The following KLHDC4 variants were observed in gnomAD, a reference collection of about 807,000 sequenced individuals.
The protein encoded by KLHDC4 is kelch domain containing 4, also known as kelch domain-containing protein 4.
KLHDC4 carries 90 observed loss-of-function variants against 62.4 expected under a neutral mutation model. That is an observed-to-expected ratio of 1.44 (90% CI 1.22 to 1.72). The LOEUF (loss-of-function observed/expected upper bound fraction) is 1.72, where lower values mean the gene tolerates loss of function less well. Among genes scored for constraint, KLHDC4 ranks in the 40% most tolerant of loss-of-function variants. The pLI is 0.00. For missense variants in KLHDC4, 1,025 were observed against 699.7 expected, an observed-to-expected ratio of 1.47 and a Z score of -5.25; for synonymous variants, 386 against 284.4, an observed-to-expected ratio of 1.36 and a Z score of -3.59.
intron 9 of KLHDC4, chr16:87,710,956 AC>A (rs928518321): frequency 5.8e-5 from 25 of 428,744 alleles, no homozygotes; most frequent in African/African-American, 4.7e-4. Context: ...AACCCTTCTC[AC>A]ACAGAGGGCC....
rs755388656 is a variant in KLHDC4, at chr16:87,748,719, C to A, written c.460G>T (p.Asp154Tyr). The A allele has an allele frequency of 6.2e-7, 1 of 1,613,666 alleles. No homozygotes were observed. Reference sequence around the variant, plus strand: ...GTGGCCAAATGCAGGACCCAGAGATCCTTGTAGTGGTAGAACTGCTCTCCG... The same window carrying A: ...GTGGCCAAATGCAGGACCCAGAGATACTTGTAGTGGTAGAACTGCTCTCCG... ...PNGEQFYHYK[D>Y]LWVLHLATKT... The change falls in exon 5 of 12, where the codon GAT becomes TAT. Residue 154 changes from aspartate (D) to tyrosine (Y), a missense_variant. By Grantham distance (160) the Asp-to-Tyr change is radical. Coordinates refer to ENST00000270583, the MANE Select transcript of KLHDC4 (RefSeq NM_017566.4).
intron 5 of KLHDC4, chr16:87,730,904 T>G (rs1201661141): frequency 2.9e-6 from 1 of 345,558 alleles, no homozygotes; most frequent in African/African-American, 2.2e-5. Context: ...ATTTCCTAGG[T>G]AGAACATTAT....
At chr16:87,723,668 C>T (rs762822002) in intron 7 of KLHDC4, among the ~76,000 whole-genome samples, 10 of 152,234 alleles carry the variant, frequency 6.6e-5, no homozygotes, top group Admixed American at 1.3e-4. Context: ...CGGGTCATTC[C>T]GATCAACTCG....
At chr16:87,734,655 T>C (rs1163643200) in intron 5 of KLHDC4, among the ~76,000 whole-genome samples, 1 of 152,152 alleles carries the variant, frequency 6.6e-6, no homozygotes, top group Non-Finnish European at 1.5e-5. Flanking sequence ...TAGACACCAA[T>C]TCTATTAATC....
chr16:87,705,673 G>A (rs920838565), downstream of KLHDC4, among the ~76,000 whole-genome samples: 4 of 152,202 alleles, frequency 2.6e-5, no homozygotes, highest in African/African-American at 9.7e-5. Flanking sequence ...CAACTACATT[G>A]AAAGCCAACA....
chr16:87,760,072 T>C (rs566402584), intron 2 of KLHDC4, among the ~76,000 whole-genome samples: 1 of 152,102 alleles, frequency 6.6e-6, no homozygotes, highest in Non-Finnish European at 1.5e-5. Context: ...TTGGAAGATA[T>C]TAAGGTTACC....
At chr16:87,716,871 G>A (rs921923177) in intron 7 of KLHDC4, among the ~76,000 whole-genome samples, 1 of 152,226 alleles carries the variant, frequency 6.6e-6, no homozygotes, top group Non-Finnish European at 1.5e-5. Context: ...GGCGGAGCTT[G>A]CAGTGAGCCG....
intron 5 of KLHDC4, among the ~76,000 whole-genome samples, chr16:87,738,124 T>C (rs1483351716): frequency 1.3e-5 from 2 of 152,092 alleles, no homozygotes; most frequent in Non-Finnish European, 2.9e-5. Flanking sequence ...GCAGGGTGTG[T>C]CCATTCCTAT....
At chr16:87,763,054 C>T (rs1320849518) in intron 1 of KLHDC4, among the ~76,000 whole-genome samples, 2 of 152,160 alleles carry the variant, frequency 1.3e-5, no homozygotes, top group African/African-American at 2.4e-5. Context: ...GGGTGAATGT[C>T]AGCAGGGTAC....
intron 9 of KLHDC4, 26 bp downstream of exon 9, chr16:87,711,209 C>T (rs375756030): frequency 1.2e-5 from 19 of 1,611,856 alleles, no homozygotes; most frequent in South Asian, 7.7e-5. Context: ...CGCACCACGG[C>T]GCATGCTACT....
intron 5 of KLHDC4, among the ~76,000 whole-genome samples, chr16:87,734,170 C>A (rs554770142): frequency 1.3e-5 from 2 of 152,092 alleles, no homozygotes; most frequent in African/African-American, 4.8e-5. Flanking sequence ...CATGGTGAAA[C>A]CCTGTCTATA....
chr16:87,762,145 T>G (rs528805136), intron 1 of KLHDC4, 105 bp from the exon 2 acceptor site: 2 of 1,542,288 alleles, frequency 1.3e-6, no homozygotes, highest in East Asian at 4.6e-5. Flanking sequence ...CTGGGCTCAG[T>G]CACATCTGTG....
intron 7 of KLHDC4, among the ~76,000 whole-genome samples, chr16:87,726,224 G>C (rs74535504): frequency 0.65 from 37,358 of 57,580 alleles, 10,218 homozygotes; most frequent in Admixed American, 0.72. Context: ...GTCTCCCCAC[G>C]CCGCGCCTCG....
chr16:87,753,406 G>A (rs1335380896), intron 4 of KLHDC4, among the ~76,000 whole-genome samples: 1 of 150,660 alleles, frequency 6.6e-6, no homozygotes. Context: ...CACCACTGAG[G>A]GCTAAGCCAG....
At chr16:87,723,157 C>T (rs933424529) in intron 7 of KLHDC4, among the ~76,000 whole-genome samples, 3 of 152,240 alleles carry the variant, frequency 2.0e-5, no homozygotes, top group African/African-American at 4.8e-5. Context: ...TGCACACTGC[C>T]GCTTCAGCCA....
intron 1 of KLHDC4, 49 bp downstream of exon 1, chr16:87,765,743 G>A: frequency 1.3e-6 from 2 of 1,518,236 alleles, no homozygotes; most frequent in East Asian, 2.4e-5. Flanking sequence ...GTCGGCCGAG[G>A]CTGCACGGCC....
In KLHDC4 at chr16:87,699,894, A is replaced by G. The variant is rs558226701; in HGVS notation, c.*1745T>C. 11 of 152,362 alleles carry G rather than the reference A, an allele frequency of 7.2e-5. No individual in the cohort carries two copies. In the East Asian group the frequency reaches 2.1e-3, roughly 29 times the overall value. The allele number at this position is 152,362 out of a possible 1,614,324, so 9.4% of individuals were successfully genotyped here. On this transcript the variant is annotated 3_prime_UTR_variant, in exon 1 of 1. Transcript: ENST00000446344. ...CACGGAGGGCCATCAGTCACCCCCA[A>G]GGCGCTGCAGACCTAAAGTGTGGAG...
At chr16:87,728,918 G>C (rs1328810992) in intron 6 of KLHDC4, among the ~76,000 whole-genome samples, 1 of 152,100 alleles carries the variant, frequency 6.6e-6, no homozygotes, top group Admixed American at 6.5e-5. Flanking sequence ...GGGATTAAAG[G>C]TGTGCACCAC....
At chr16:87,753,379 A>G (rs927458009) in intron 4 of KLHDC4, among the ~76,000 whole-genome samples, 4 of 152,202 alleles carry the variant, frequency 2.6e-5, no homozygotes, top group African/African-American at 9.6e-5. Context: ...GTCATTCACT[A>G]GAGACTGCAG....
Sources: allele counts gnomAD v4.1 joint callset (sites outside exome capture counted in the v4.1 genomes callset), GRCh38; gene constraint gnomAD v4.1.1; transcripts MANE v1.5; gene names NCBI Gene and HGNC (gene_info 2026-07-23, HGNC 2026-07-21).